The following ATF7IP variants were observed in gnomAD, a reference collection of about 807,000 sequenced individuals.
The protein encoded by ATF7IP is activating transcription factor 7-interacting protein 1.
ATF7IP carries 23 observed loss-of-function variants against 106.4 expected under a neutral mutation model. The observed-to-expected ratio is 0.22, with a 90% CI of 0.16 to 0.31. The LOEUF (loss-of-function observed/expected upper bound fraction) is 0.31. ATF7IP is among the 10% of genes least tolerant of loss of function. The probability of loss-of-function intolerance (pLI) is 1.00; values close to 1 mark genes in which losing one functional copy is unlikely to be tolerated. For missense variants in ATF7IP, 1,334 were observed against 1,524.3 expected (o/e 0.88, Z 2.08); for synonymous variants, 542 against 539.0 (o/e 1.01, Z -0.08).
chr12:14,478,471 A>G lies in ATF7IP; in HGVS notation c.3096A>G (p.Thr1032=). The change falls in exon 12 of 15, where the codon ACA becomes ACG. Residue 1032 remains threonine (T), a splice_region_variant and synonymous_variant. Transcript: ENST00000261168. ...AGACCACCATACACTTACTACCTAC[A>G]GGTAAATTTGTTGAATCATTGAGTA... The part of the protein sequence containing the change: ...PSQTTIHLLP[T]APTTVNVTHR... 6.2e-7 allele frequency: 1 copy of G among 1,613,880 alleles called. No homozygotes were observed. Among genetic ancestry groups the G allele is most frequent in the African/African-American group, 1.3e-5 (1 of 75,038 alleles).
At chr12:14,403,981 C>T (rs1940405690) in intron 1 of ATF7IP, among the ~76,000 whole-genome samples, 1 of 152,088 alleles carries the variant, frequency 6.6e-6, no homozygotes, top group African/African-American at 2.4e-5. Context: ...GAAAGAAAGG[C>T]ATACTCTTTT....
At chr12:14,442,499 A>T (rs1461810502) in intron 5 of ATF7IP, among the ~76,000 whole-genome samples, 2 of 152,200 alleles carry the variant, frequency 1.3e-5, no homozygotes, top group Admixed American at 1.3e-4. Flanking sequence ...GTGCAAGATC[A>T]TGAGAGGAGT....
At chr12:14,497,259 C>T (rs1051161125) in intron 14 of ATF7IP, among the ~76,000 whole-genome samples, 4 of 151,984 alleles carry the variant, frequency 2.6e-5, no homozygotes, top group Non-Finnish European at 5.9e-5. Flanking sequence ...ATCTTGGTTG[C>T]CATACATGAT....
intron 10 of ATF7IP, among the ~76,000 whole-genome samples, chr12:14,474,442 C>T (rs147820961): frequency 6.7e-6 from 1 of 150,354 alleles, no homozygotes; most frequent in South Asian, 2.1e-4. Flanking sequence ...GCTCTGCCAC[C>T]TAGGCTGGAG....
rs3213764 is a variant in ATF7IP, at chr12:14,434,367, A to G, written c.1589A>G (p.Lys530Arg). The change falls in exon 3 of 15, where the codon AAA becomes AGA. Residue 530 changes from lysine to arginine, a missense_variant. Physicochemically the swap from Lys to Arg is conservative, Grantham distance 26. This residue lies in a region of ATF7IP where 119 missense variants were observed against 117.8 expected (regional missense o/e 1.01). Transcript: ENST00000261168. ...GTAGAAAGTAATGAAAAGGACAACA[A>G]ACCTGAGGAAGAAGAGCAAGTAATA... ...AEVESNEKDN[K>R]PEEEEQVIHE... is the part of the protein sequence containing the mutation. The G allele has an allele frequency of 0.46, 722,046 of 1,571,092 alleles. 170,778 individuals are homozygous for G. Among genetic ancestry groups the G allele is most frequent in the East Asian group, 0.62 (27,045 of 43,920 alleles).
At chr12:14,403,982 A>C (rs1940405838) in intron 1 of ATF7IP, among the ~76,000 whole-genome samples, 1 of 152,048 alleles carries the variant, frequency 6.6e-6, no homozygotes, top group African/African-American at 2.4e-5. Context: ...AAAGAAAGGC[A>C]TACTCTTTTT....
At chr12:14,456,363 A>C (rs1410267531) in intron 6 of ATF7IP, among the ~76,000 whole-genome samples, 198 bp from the exon 7 acceptor site, 2 of 152,246 alleles carry the variant, frequency 1.3e-5, no homozygotes, top group African/African-American at 4.8e-5. Context: ...GTCTTCAGCA[A>C]AGTAAATGAT....
Position 14,460,917 on chromosome 12 carries a change from G to T in ATF7IP, c.2581G>T (p.Ala861Ser), listed in dbSNP as rs972294454. ...TCCTAGTATTCAAAGGAACCCTACT[G>T]CCAGTGCTGCACCATTGGGAACAAC... is the stretch of plus-strand genomic sequence containing the variant. ...PSPSIQRNPT[A>S]SAAPLGTTLA... Residue 861 changes from alanine to serine, a missense_variant, in exon 9 of 15, where the codon GCC (alanine) becomes TCC (serine). By Grantham distance (99) the Ala-to-Ser change is moderately conservative. Around this residue, in one of 10 missense-constraint regions of ATF7IP, gnomAD observed 370 missense variants for 401.2 expected, o/e 0.92. Coordinates refer to ENST00000261168, the MANE Select transcript of ATF7IP (RefSeq NM_018179.5). The T allele has an allele frequency of 6.2e-7, 1 of 1,614,116 alleles. No individual in the cohort carries two copies. The highest frequency in any genetic ancestry group is 1.3e-5 in the African/African-American group (1 of 75,020).
chr12:14,476,723 T>G (rs1944276402), intron 11 of ATF7IP, among the ~76,000 whole-genome samples: 1 of 152,096 alleles, frequency 6.6e-6, no homozygotes, highest in African/African-American at 2.4e-5. Flanking sequence ...TGTATATATA[T>G]GTATTCATTT....
At chr12:14,389,937 T>A (rs1939455258) in intron 1 of ATF7IP, among the ~76,000 whole-genome samples, 2 of 152,244 alleles carry the variant, frequency 1.3e-5, no homozygotes, top group Admixed American at 6.5e-5. Flanking sequence ...TTTCTCTAAT[T>A]GTTAACATTT....
intron 10 of ATF7IP, among the ~76,000 whole-genome samples, chr12:14,471,329 T>G (rs1241846649): frequency 6.6e-6 from 1 of 152,210 alleles, no homozygotes; most frequent in Admixed American, 6.5e-5. Flanking sequence ...GTTTACTGAT[T>G]ATTGCCTTTT....
At chr12:14,412,698 GTTCT>G (rs1364388971) in intron 1 of ATF7IP, among the ~76,000 whole-genome samples, 1 of 151,888 alleles carries the variant, frequency 6.6e-6, no homozygotes, top group Non-Finnish European at 1.5e-5. Flanking sequence ...AATAAAAATA[GTTCT>G]TTCTTTTTTT....
chr12:14,471,317 A>T (rs1241467675), intron 10 of ATF7IP, among the ~76,000 whole-genome samples: 1 of 152,120 alleles, frequency 6.6e-6, no homozygotes, highest in East Asian at 1.9e-4. Context: ...GATTATTTGT[A>T]TGTTTACTGA....
intron 1 of ATF7IP, among the ~76,000 whole-genome samples, chr12:14,391,808 G>A (rs1199275044): frequency 1.3e-5 from 2 of 152,082 alleles, no homozygotes; most frequent in African/African-American, 2.4e-5. Context: ...TTCAACCTCC[G>A]CCTCCCAGGT....
intron 1 of ATF7IP, chr12:14,385,396 C>T: frequency 2.0e-6 from 3 of 1,533,750 alleles, no homozygotes; most frequent in Non-Finnish European, 2.6e-6. Context: ...GCATCAGGAC[C>T]AGAGGTAAGA....
At chr12:14,394,721 G>A (rs1430682930) in intron 1 of ATF7IP, 2 of 152,208 alleles carry the variant, frequency 1.3e-5, no homozygotes, top group African/African-American at 4.8e-5. Context: ...TAGAATAGCA[G>A]TAGTGAGACC....
Position 14,447,008 on chromosome 12 carries a change from C to A in ATF7IP, c.1950C>A (p.Thr650=). The stretch of plus-strand genomic sequence containing the variant: ...TTCAGGCCAAGATAGCCAGGTTAAC[C>A]AAACGCTTTGAAGCAGCCAAAGAAG... ...TELQAKIARL[T]KRFEAAKEDL... Residue 650 remains threonine (T), a synonymous_variant, in exon 6 of 15, where the codon ACC becomes ACA. Coordinates refer to ENST00000261168, the MANE Select transcript of ATF7IP (RefSeq NM_018179.5). 1.3e-6 allele frequency: 2 copies of A among 1,563,460 alleles called. No homozygotes were observed. The highest frequency in any genetic ancestry group is 1.2e-5 in the South Asian group (1 of 81,630).
intron 1 of ATF7IP, among the ~76,000 whole-genome samples, chr12:14,376,841 G>A (rs1308276396): frequency 6.6e-6 from 1 of 152,064 alleles, no homozygotes; most frequent in South Asian, 2.1e-4. Context: ...CAGGAGAATC[G>A]TTTGAATCCG....
chr12:14,398,132 T>G (rs1939957544), intron 1 of ATF7IP, among the ~76,000 whole-genome samples: 1 of 152,240 alleles, frequency 6.6e-6, no homozygotes. Context: ...ATAGTGTTTT[T>G]AAAGAACTGG....
Sources: gnomAD v4.1 joint callset for allele counts (sites outside exome capture counted in the v4.1 genomes callset) on GRCh38, gnomAD v4.1.1 for gene constraint, gnomAD v4.1.1 regional missense constraint, MANE v1.5 for transcripts, NCBI Gene and HGNC (gene_info 2026-07-23, HGNC 2026-07-21) for gene names.